The following OR6N1 variants were observed in gnomAD, a reference collection of about 807,000 sequenced individuals.
OR6N1 encodes the protein olfactory receptor family 6 subfamily N member 1, also known as olfactory receptor 6N1.
For synonymous variants in OR6N1, 170 were observed against 150.7 expected, an observed-to-expected ratio of 1.13 and a Z score of -0.94; for missense variants, 394 against 371.7, an observed-to-expected ratio of 1.06 and a Z score of -0.49.
the OR6N1 span, chr1:158,809,394 T>A: frequency 3.3e-5 from 5 of 152,256 alleles, no homozygotes; most frequent in Non-Finnish European, 7.3e-5. Flanking sequence ...TCTTCCTCTA[T>A]TCGTAAAATC....
chr1:158,813,697 C>CTTTTTTT, the OR6N1 span, among the ~76,000 whole-genome samples: 14 of 78,624 alleles, frequency 1.8e-4, no homozygotes, highest in Non-Finnish European at 2.3e-4. Flanking sequence ...TATGTATGGT[C>CTTTTTTT]TTTTTTTTTT....
the OR6N1 span, among the ~76,000 whole-genome samples, chr1:158,800,779 A>G: frequency 6.6e-6 from 1 of 152,260 alleles, no homozygotes; most frequent in Non-Finnish European, 1.5e-5. Context: ...CTATCACTAA[A>G]AAGAAATTTT....
chr1:158,776,585 A>G, upstream of OR6N1: 2 of 672,084 alleles, frequency 3.0e-6, no homozygotes, highest in Non-Finnish European at 5.1e-6. Flanking sequence ...GAAGAGGTGA[A>G]AGGAAATGAA....
At chr1:158,831,594 G>C in the OR6N1 span, 1 of 152,138 alleles carries the variant, frequency 6.6e-6, no homozygotes, top group Non-Finnish European at 1.5e-5. Context: ...GAAAGATCTA[G>C]GTATCTAGTT....
the OR6N1 span, among the ~76,000 whole-genome samples, chr1:158,821,058 C>G: frequency 1.3e-5 from 2 of 152,230 alleles, no homozygotes; most frequent in African/African-American, 4.8e-5. Context: ...ATCTCACTAA[C>G]AGGGCTGCTT....
the OR6N1 span, among the ~76,000 whole-genome samples, chr1:158,834,967 T>C: frequency 6.6e-6 from 1 of 152,234 alleles, no homozygotes; most frequent in Non-Finnish European, 1.5e-5. Context: ...CATATTCCAT[T>C]GTTCTTTATG....
chr1:158,769,439 C>T (rs879381180), intron 1 of OR6N1, among the ~76,000 whole-genome samples: 7 of 152,172 alleles, frequency 4.6e-5, no homozygotes, highest in Admixed American at 4.6e-4. Context: ...GCTGGGATTA[C>T]AGGCATAAGT....
In OR6N1 at chr1:158,772,139, T is replaced by C. The variant is rs1571606311; in HGVS notation, c.-137A>G. 1 of 152,224 alleles carries C rather than the reference T, an allele frequency of 6.6e-6. No individual in the cohort carries two copies. The highest frequency in any genetic ancestry group is 1.5e-5 in the Non-Finnish European group (1 of 68,044). The allele number at this position is 152,224 out of a possible 1,614,324, so 9.4% of individuals were successfully genotyped here. A position where few individuals can be genotyped will look rare whatever the true frequency, so the allele number is the denominator to read the frequency against. On this transcript the variant is annotated 5_prime_UTR_variant, in exon 1 of 2. Coordinates refer to ENST00000641846, the MANE Select transcript of OR6N1 (RefSeq NM_001005185.2). The stretch of plus-strand genomic sequence containing the variant: ...TACTTCCTATGTCTCATTTGCAGTA[T>C]TATACCCAGCCATTCCCGGGGCCTG...
chr1:158,831,652 G>A, the OR6N1 span: 1 of 152,252 alleles, frequency 6.6e-6, no homozygotes, highest in South Asian at 2.1e-4. Context: ...GACCAGAAGT[G>A]TTGTTATCAA....
At chr1:158,811,896 T>C in the OR6N1 span, among the ~76,000 whole-genome samples, 1 of 152,130 alleles carries the variant, frequency 6.6e-6, no homozygotes, top group African/African-American at 2.4e-5. Context: ...TTAGAAAATA[T>C]TGTAACCTCA....
upstream of OR6N1, chr1:158,776,746 AT>A: frequency 6.2e-7 from 1 of 1,613,866 alleles, no homozygotes; most frequent in Non-Finnish European, 8.5e-7. Flanking sequence ...AGCTTTAATG[AT>A]TTCCTTGTTA....
At chr1:158,794,568 C>A in the OR6N1 span, among the ~76,000 whole-genome samples, 1 of 152,144 alleles carries the variant, frequency 6.6e-6, no homozygotes. Context: ...CTCCCAGCAG[C>A]AGGTACCAGC....
chr1:158,776,927 C>A, upstream of OR6N1: 4 of 1,613,838 alleles, frequency 2.5e-6, no homozygotes, highest in East Asian at 2.2e-5. Flanking sequence ...GTAGAAAAGG[C>A]CTTCTTTCTT....
chr1:158,796,672 T>C, the OR6N1 span, among the ~76,000 whole-genome samples: 1 of 152,186 alleles, frequency 6.6e-6, no homozygotes, highest in Non-Finnish European at 1.5e-5. Context: ...AAACTTCTCT[T>C]TATTCTTAAT....
At chr1:158,796,197 T>C in the OR6N1 span, 1 of 152,152 alleles carries the variant, frequency 6.6e-6, no homozygotes, top group Non-Finnish European at 1.5e-5. Context: ...GTACTTAGAG[T>C]CAAAGGGACA....
At chr1:158,769,682 T>C (rs1558033065) in intron 1 of OR6N1, among the ~76,000 whole-genome samples, 1 of 152,202 alleles carries the variant, frequency 6.6e-6, no homozygotes, top group Non-Finnish European at 1.5e-5. Context: ...CTCTGATTTT[T>C]CTTGGCATTT....
chr1:158,828,037 A>C, the OR6N1 span, among the ~76,000 whole-genome samples: 2 of 152,156 alleles, frequency 1.3e-5, no homozygotes, highest in African/African-American at 4.8e-5. Context: ...AGATCTATTT[A>C]CTATTATGAG....
chr1:158,839,011 T>C, the OR6N1 span, among the ~76,000 whole-genome samples: 1 of 152,204 alleles, frequency 6.6e-6, no homozygotes, highest in South Asian at 2.1e-4. Flanking sequence ...CCTATTTTCC[T>C]TTAACTCATT....
chr1:158,811,776 A>C, the OR6N1 span, among the ~76,000 whole-genome samples: 1 of 152,242 alleles, frequency 6.6e-6, no homozygotes, highest in Non-Finnish European at 1.5e-5. Flanking sequence ...GATCACATCA[A>C]TATAGAGGAA....
Sources: gnomAD v4.1 joint callset for allele counts (sites outside exome capture counted in the v4.1 genomes callset) on GRCh38, gnomAD v4.1.1 for gene constraint, MANE v1.5 for transcripts, NCBI Gene and HGNC (gene_info 2026-07-23, HGNC 2026-07-21) for gene names.